The following AKAP12 variants were observed in gnomAD, a reference collection of about 807,000 sequenced individuals.
The protein encoded by AKAP12 is A-kinase anchor protein 12.
In AKAP12, 32 loss-of-function variants were observed where a neutral mutation model predicts 79.9. The observed-to-expected ratio is 0.40, with a 90% CI of 0.30 to 0.54. AKAP12 has a LOEUF of 0.54. Among genes scored for constraint, AKAP12 ranks in the 20% least tolerant of loss-of-function variants. The pLI is 0.48. For missense variants in AKAP12, 2,074 were observed against 2,177.0 expected, an observed-to-expected ratio of 0.95 and a Z score of 0.94; for synonymous variants, 808 against 857.0, an observed-to-expected ratio of 0.94 and a Z score of 1.00.
chr6:151,252,708 A>G (rs894197293), intron 2 of AKAP12, among the ~76,000 whole-genome samples: 1 of 149,592 alleles, frequency 6.7e-6, no homozygotes, highest in Non-Finnish European at 1.5e-5. Context: ...AGCCTGGACA[A>G]GATACCAAGA....
Position 151,351,783 on chromosome 6 carries a change from A to C in AKAP12, c.3392A>C (p.Glu1131Ala). ...EKAPQVTESI[E>A]SSELVTTCQA... is the part of the protein sequence containing the mutation. ...GCTCCTCAAGTCACAGAGAGCATAGAGTCCAGTGAGCTTGTAACCACTTGT... is the reference window on the plus strand; with the variant it reads ...GCTCCTCAAGTCACAGAGAGCATAGCGTCCAGTGAGCTTGTAACCACTTGT... Residue 1131 changes from glutamate to alanine, a missense_variant, in exon 4 of 5, where the codon GAG becomes GCG. Around this residue, in one of 3 missense-constraint regions of AKAP12, gnomAD observed 1,428 missense variants for 1,451.0 expected, o/e 0.98. Coordinates refer to ENST00000402676, the MANE Select transcript of AKAP12 (RefSeq NM_005100.4). The surrounding 1 kb of genome is among the most constrained non-coding windows in gnomAD (Gnocchi z 4.4). The C allele has an allele frequency of 6.2e-7, 1 of 1,614,170 alleles. No homozygotes were observed. Among genetic ancestry groups the C allele is most frequent in the Non-Finnish European group, 8.5e-7 (1 of 1,180,024 alleles).
At position 151,311,869 on chromosome 6, in the gene AKAP12, T is replaced by C. The variant is rs868117957; in HGVS notation, c.319+5966T>C. 2.6e-5 allele frequency among the ~76,000 whole-genome samples: 4 copies of C among 152,202 alleles called. No individual in the cohort carries two copies. The South Asian group carries it at 8.3e-4, about 31-fold the overall frequency. ...TTCTGAGTTAAAAGTCGTTCTTCTT[T>C]GCTTTGAACATTTAATAACTTTATC... On this transcript the variant is annotated intron_variant, in intron 3 of 4. Transcript: ENST00000402676.
intron 3 of AKAP12, among the ~76,000 whole-genome samples, chr6:151,320,647 G>A (rs1418404973): frequency 6.6e-6 from 1 of 152,004 alleles, no homozygotes; most frequent in Non-Finnish European, 1.5e-5. Context: ...CATCTTGTGG[G>A]CACCGTGACT....
At chr6:151,313,342 C>T (rs1420376391) in intron 3 of AKAP12, among the ~76,000 whole-genome samples, 2 of 152,194 alleles carry the variant, frequency 1.3e-5, no homozygotes, top group Non-Finnish European at 1.5e-5. Context: ...AATATTATTG[C>T]ATGACATTTT....
chr6:151,332,979 A>G (rs763974151), intron 3 of AKAP12, among the ~76,000 whole-genome samples: 7 of 152,168 alleles, frequency 4.6e-5, no homozygotes, highest in African/African-American at 7.2e-5. Context: ...TTAAAAAACT[A>G]TACATTGTGT....
At chr6:151,282,363 G>C (rs1214216999) in intron 2 of AKAP12, among the ~76,000 whole-genome samples, 1 of 152,152 alleles carries the variant, frequency 6.6e-6, no homozygotes, top group Non-Finnish European at 1.5e-5. Context: ...ACCCACCTCG[G>C]CCTCCCAAAG....
intron 2 of AKAP12, among the ~76,000 whole-genome samples, chr6:151,281,466 G>A (rs1048092005): frequency 6.6e-6 from 1 of 152,126 alleles, no homozygotes; most frequent in African/African-American, 2.4e-5. Context: ...AGCAGATTTA[G>A]TGCCCACTTT....
At chr6:151,256,962 A>ATATATATAT (rs1554319585) in intron 2 of AKAP12, among the ~76,000 whole-genome samples, 4 of 151,090 alleles carry the variant, frequency 2.6e-5, no homozygotes, top group African/African-American at 9.8e-5. Context: ...ATATATATAT[A>ATATATATAT]AACTTTAAAT....
intron 3 of AKAP12, among the ~76,000 whole-genome samples, chr6:151,334,259 A>T (rs2101240): frequency 1.3e-5 from 2 of 152,260 alleles, no homozygotes; most frequent in East Asian, 3.9e-4. Flanking sequence ...TCAGGGTGGT[A>T]AAAAATAGGC....
At chr6:151,345,932 TGAGAGAGAGAGA>T (rs56202215) in intron 3 of AKAP12, among the ~76,000 whole-genome samples, 317 of 101,440 alleles carry the variant, frequency 3.1e-3, no homozygotes, top group African/African-American at 0.012. Context: ...TGTGTGTGTG[TGAGAGAGAGAGA>T]GAGAGAGAGA....
intron 2 of AKAP12, among the ~76,000 whole-genome samples, chr6:151,276,506 G>A (rs56827614): frequency 6.6e-6 from 1 of 152,340 alleles, no homozygotes; most frequent in South Asian, 2.1e-4. Flanking sequence ...AATTGAGAAA[G>A]GATGGCTAAT....
rs748059456 is a variant in AKAP12 at position 151,348,805 on chromosome 6, G to A, written c.414G>A (p.Gly138=). Reference sequence around the variant, plus strand: ...TTGTTCACGACATCACAGATGATGGGCAGGAGGAGACACCCGAAATAATCG... The same window carrying A: ...TTGTTCACGACATCACAGATGATGGACAGGAGGAGACACCCGAAATAATCG... ...SAVVHDITDD[G]QEETPEIIEQ... Residue 138 remains glycine, a synonymous_variant, in exon 4 of 5, where the codon GGG becomes GGA. Coordinates refer to ENST00000402676, the MANE Select transcript of AKAP12 (RefSeq NM_005100.4). The A allele has an allele frequency of 1.2e-6, 2 of 1,613,530 alleles. No homozygotes were observed. Among genetic ancestry groups the A allele is most frequent in the South Asian group, 2.2e-5 (2 of 91,068 alleles).
intron 2 of AKAP12, among the ~76,000 whole-genome samples, chr6:151,267,964 GC>G (rs2114707390): frequency 6.6e-6 from 1 of 152,286 alleles, no homozygotes; most frequent in African/African-American, 2.4e-5. Context: ...TCGTCCTTGT[GC>G]CCTCTTCAGT....
intron 3 of AKAP12, chr6:151,319,699 C>T (rs56160432): frequency 0.17 from 26,208 of 158,684 alleles, 2,772 homozygotes; most frequent in Non-Finnish European, 0.23. Context: ...CTTGGCTGAT[C>T]GGGCTGGCTA....
At chr6:151,302,686 A>T (rs1304105807) in intron 2 of AKAP12, among the ~76,000 whole-genome samples, 1 of 152,162 alleles carries the variant, frequency 6.6e-6, no homozygotes, top group East Asian at 1.9e-4. Flanking sequence ...AGTTTATTGC[A>T]TTGAAATTGA....
intron 2 of AKAP12, among the ~76,000 whole-genome samples, chr6:151,271,538 T>G (rs369086883): frequency 6.6e-6 from 1 of 152,076 alleles, no homozygotes; most frequent in African/African-American, 2.4e-5. Context: ...CCCAGACTGG[T>G]CTTGAACTCC....
chr6:151,305,973 C>T (rs893359324), intron 3 of AKAP12, 70 bp downstream of exon 3: 20 of 1,464,288 alleles, frequency 1.4e-5, no homozygotes, highest in Non-Finnish European at 1.7e-5. Flanking sequence ...GCAGAAAATA[C>T]TCTGTCATAC....
chr6:151,281,101 A>G (rs1776398329), intron 2 of AKAP12, among the ~76,000 whole-genome samples: 1 of 152,198 alleles, frequency 6.6e-6, no homozygotes, highest in Non-Finnish European at 1.5e-5. Context: ...TAGGGTAAAC[A>G]TCTAGGCTTC....
At chr6:151,299,854 C>T (rs1458762904) in intron 2 of AKAP12, among the ~76,000 whole-genome samples, 2 of 151,898 alleles carry the variant, frequency 1.3e-5, no homozygotes, top group Non-Finnish European at 2.9e-5. Flanking sequence ...GTCTCAAACT[C>T]CTGGCTTAAA....
Sources: gnomAD v4.1 joint callset for allele counts (sites outside exome capture counted in the v4.1 genomes callset) on GRCh38, gnomAD v4.1.1 for gene constraint, gnomAD v4.1.1 regional missense constraint, Gnocchi (gnomAD v3.1) non-coding constraint, MANE v1.5 for transcripts, NCBI Gene and HGNC (gene_info 2026-07-23, HGNC 2026-07-21) for gene names.